Variants in CAMTA1 observed in about 807,000 individuals in gnomAD.
The protein encoded by CAMTA1 is calmodulin binding transcription activator 1.
Under a neutral mutation model 170.9 loss-of-function variants are expected in CAMTA1, and 27 were observed. The ratio of observed to expected loss-of-function variants is 0.16; its 90% confidence interval spans 0.12 to 0.22. The LOEUF is 0.22. Among genes scored for constraint, CAMTA1 ranks in the 10% least tolerant of loss-of-function variants. CAMTA1 has a pLI of 1.00. For missense variants in CAMTA1, 1,619 were observed against 2,217.2 expected (o/e 0.73, Z 5.42); for synonymous variants, 833 against 891.5 (o/e 0.93, Z 1.17).
In CAMTA1 at chr1:7,077,166, A is replaced by T. The variant is rs141549639; in HGVS notation, c.235-14138A>T. Among the ~76,000 whole-genome samples the T allele has an allele frequency of 2.4e-3, 363 of 149,146 alleles. 8 individuals are homozygous for T. The highest frequency in any genetic ancestry group is 4.2e-3 in the East Asian group (21 of 5,010). ...TGCTAATGAATCTTACTTGCTCCCT[A>T]CTTTGGCTGAAATCCCTGTGTTTTC... is the stretch of plus-strand genomic sequence containing the variant. On this transcript the variant is annotated intron_variant, in intron 3 of 22. Coordinates refer to ENST00000303635, the MANE Select transcript of CAMTA1 (RefSeq NM_015215.4).
At position 7,665,235 on chromosome 1, in the gene CAMTA1, C is replaced by A; in HGVS notation, c.2652+36C>A. 7.0e-7 allele frequency: 1 copy of A among 1,423,606 alleles called. No homozygotes were observed. Among genetic ancestry groups the A allele is most frequent in the Non-Finnish European group, 9.2e-7 (1 of 1,091,676 alleles). 88.2% of individuals were successfully genotyped at this position (1,423,606 alleles called of 1,614,324 possible). A position where few individuals can be genotyped will look rare whatever the true frequency, so the allele number is the denominator to read the frequency against. ...GCCGCTGCCACCACCTGTCACCTCC[C>A]CTCCCACCCACCTCGCCAGCCCCTG... On this transcript the variant is annotated intron_variant, in intron 9 of 22. Transcript: ENST00000303635. The surrounding 1 kb of genome is among the most constrained non-coding windows in gnomAD (Gnocchi z 4.3).
At chr1:7,273,773 A>G (rs946578312) in intron 5 of CAMTA1, among the ~76,000 whole-genome samples, 1 of 152,222 alleles carries the variant, frequency 6.6e-6, no homozygotes, top group Non-Finnish European at 1.5e-5. Context: ...AAGATAATTG[A>G]TTGTCTAAAA....
At chr1:7,722,190 A>G (rs2096653937) in intron 11 of CAMTA1, among the ~76,000 whole-genome samples, 1 of 152,210 alleles carries the variant, frequency 6.6e-6, no homozygotes, top group Non-Finnish European at 1.5e-5. Flanking sequence ...CAGCCCTTCT[A>G]AACTTAGAAC....
At chr1:7,194,542 T>C (rs1205114266) in intron 4 of CAMTA1, among the ~76,000 whole-genome samples, 1 of 152,246 alleles carries the variant, frequency 6.6e-6, no homozygotes, top group African/African-American at 2.4e-5. Flanking sequence ...TTGAAAGATG[T>C]CTCAGTTAAA....
In CAMTA1 at chr1:7,580,619, G is replaced by A. The variant is rs898345038; in HGVS notation, c.511-59781G>A. Among the ~76,000 whole-genome samples, 2 of 152,126 alleles carry A rather than the reference G, an allele frequency of 1.3e-5. No homozygotes were observed. The highest frequency in any genetic ancestry group is 6.5e-5 in the Admixed American group (1 of 15,276). On this transcript the variant is annotated intron_variant, in intron 6 of 22. Coordinates refer to ENST00000303635, the MANE Select transcript of CAMTA1 (RefSeq NM_015215.4). This position sits in a 1 kb window ranked among gnomAD's most constrained non-coding sequence, Gnocchi z 4.3. Reference sequence around the variant, plus strand: ...TTTGGGGACAGCCGTGTCAGAGACTGATAATACTGCTCATTCTCGGTGGCA... The same window carrying A: ...TTTGGGGACAGCCGTGTCAGAGACTAATAATACTGCTCATTCTCGGTGGCA...
chr1:7,639,445 T>A (rs1339359571), intron 6 of CAMTA1, among the ~76,000 whole-genome samples: 1 of 152,082 alleles, frequency 6.6e-6, no homozygotes, highest in East Asian at 1.9e-4. Flanking sequence ...TTCCAGAGAT[T>A]CTGGGCACCA....
chr1:7,661,662 G>C (rs1327189221), intron 7 of CAMTA1, 64 bp from the exon 8 acceptor site: 72 of 1,590,046 alleles, frequency 4.5e-5, no homozygotes, highest in Non-Finnish European at 5.9e-5. Context: ...CCTACCCCTT[G>C]GCCCCACCCA....
Position 7,300,050 on chromosome 1 carries a change from T to G in CAMTA1, c.438+50424T>G, listed in dbSNP as rs1025579819. ...TATCATTTAGAATAAAGTCAGAAAA[T>G]TGCTTGCTGTCTGTTTATTTTAGAA... On this transcript the variant is annotated intron_variant, in intron 5 of 22. Coordinates refer to ENST00000303635, the MANE Select transcript of CAMTA1 (RefSeq NM_015215.4). This position sits in a 1 kb window ranked among gnomAD's most constrained non-coding sequence, Gnocchi z 4.1. 5.9e-5 allele frequency among the ~76,000 whole-genome samples: 9 copies of G among 152,292 alleles called. No homozygotes were observed. Among genetic ancestry groups the G allele is most frequent in the African/African-American group, 2.2e-4 (9 of 41,554 alleles).
At chr1:7,126,617 A>C (rs1199371804) in intron 4 of CAMTA1, among the ~76,000 whole-genome samples, 8 of 152,234 alleles carry the variant, frequency 5.3e-5, no homozygotes, top group African/African-American at 1.4e-4. Flanking sequence ...TGGTTGTATT[A>C]AAATAATGAA....
Position 7,601,387 on chromosome 1 carries a change from G to A in CAMTA1, c.511-39013G>A, listed in dbSNP as rs1335178517. Among the ~76,000 whole-genome samples the A allele has an allele frequency of 5.0e-3, 756 of 152,124 alleles. 5 individuals are homozygous for A. Among genetic ancestry groups the A allele is most frequent in the African/African-American group, 0.018 (727 of 41,490 alleles). ...CTCCCCACATCTCAGACGATGGGCG[G>A]CCTGGCAGAGACGCTCCTCACTTCC... On this transcript the variant is annotated intron_variant, in intron 6 of 22. Transcript: ENST00000303635.
intron 5 of CAMTA1, among the ~76,000 whole-genome samples, chr1:7,386,790 C>G (rs1442881201): frequency 6.6e-6 from 1 of 152,164 alleles, no homozygotes; most frequent in Non-Finnish European, 1.5e-5. Flanking sequence ...AAAATACTTT[C>G]CCGGGTCACT....
intron 4 of CAMTA1, among the ~76,000 whole-genome samples, chr1:7,104,282 A>C (rs1643344703): frequency 1.6e-5 from 2 of 123,944 alleles, no homozygotes; most frequent in South Asian, 4.6e-4. Context: ...TGCACACAAA[A>C]CAAATATTCA....
At chr1:7,436,669 T>A (rs947511535) in intron 5 of CAMTA1, among the ~76,000 whole-genome samples, 1 of 152,210 alleles carries the variant, frequency 6.6e-6, no homozygotes, top group Non-Finnish European at 1.5e-5. Context: ...GTTCCTGGAC[T>A]TGCCCTTCCC....
intron 21 of CAMTA1, among the ~76,000 whole-genome samples, chr1:7,753,646 A>G (rs1008046833): frequency 1.3e-5 from 2 of 152,224 alleles, no homozygotes; most frequent in African/African-American, 4.8e-5. Flanking sequence ...AAATTAACAG[A>G]AGAATTTATT....
chr1:6,855,653 G>A lies in CAMTA1; in HGVS notation c.234+30443G>A, dbSNP rs1570977003. 2.0e-5 allele frequency among the ~76,000 whole-genome samples: 3 copies of A among 152,078 alleles called. No individual in the cohort carries two copies. The East Asian group carries it at 5.8e-4, about 29-fold the overall frequency. On this transcript the variant is annotated intron_variant, in intron 3 of 22. Coordinates refer to ENST00000303635, the MANE Select transcript of CAMTA1 (RefSeq NM_015215.4). ...ATTACAGTGTGGACATGAGATTTGG[G>A]TGTGGACACAGATTCAAACTTCATC...
At chr1:7,109,726 A>G (rs893671567) in intron 4 of CAMTA1, among the ~76,000 whole-genome samples, 1 of 152,232 alleles carries the variant, frequency 6.6e-6, no homozygotes, top group African/African-American at 2.4e-5. Flanking sequence ...AAACGGGCAG[A>G]TGAATCGTCC....
chr1:6,800,250 A>G (rs541337332), intron 1 of CAMTA1, among the ~76,000 whole-genome samples: 2 of 152,146 alleles, frequency 1.3e-5, no homozygotes, highest in African/African-American at 2.4e-5. Flanking sequence ...TACTAAAAAT[A>G]GAAAAAATTA....
intron 3 of CAMTA1, among the ~76,000 whole-genome samples, chr1:7,032,624 A>G (rs1702962529): frequency 6.6e-6 from 1 of 152,126 alleles, no homozygotes. Flanking sequence ...ATATATACCC[A>G]CATCTCTACC....
chr1:7,012,490 T>C (rs6656639), intron 3 of CAMTA1, among the ~76,000 whole-genome samples: 20,928 of 152,072 alleles, frequency 0.14, 1,553 homozygotes, highest in Non-Finnish European at 0.18. Flanking sequence ...TCTCCCATCT[T>C]AAAGACCCTC....
Sources: allele counts gnomAD v4.1 joint callset (sites outside exome capture counted in the v4.1 genomes callset), GRCh38; gene constraint gnomAD v4.1.1; non-coding constraint Gnocchi (gnomAD v3.1); transcripts MANE v1.5; gene names NCBI Gene and HGNC (gene_info 2026-07-23, HGNC 2026-07-21).